The following CYTH1 variants were observed in gnomAD, a reference collection of about 807,000 sequenced individuals.
CYTH1 encodes the protein cytohesin-1.
A neutral mutation model predicts 61.8 loss-of-function variants in CYTH1; 18 were observed. The ratio of observed to expected loss-of-function variants is 0.29; its 90% confidence interval spans 0.20 to 0.43. The LOEUF is 0.43. Among genes scored for constraint, CYTH1 ranks in the 20% least tolerant of loss-of-function variants. The pLI, the probability that CYTH1 is intolerant of heterozygous loss-of-function variation, is 1.00. For synonymous variants in CYTH1, 174 were observed against 184.3 expected (o/e 0.94, Z 0.45); for missense variants, 336 against 510.5 (o/e 0.66, Z 3.29).
intron 1 of CYTH1, among the ~76,000 whole-genome samples, chr17:78,774,695 C>T (rs1359738457): frequency 6.6e-6 from 1 of 152,106 alleles, no homozygotes; most frequent in African/African-American, 2.4e-5. Context: ...AGTGCCCAGA[C>T]CTTATTTTTC....
intron 1 of CYTH1, among the ~76,000 whole-genome samples, chr17:78,715,796 G>C (rs1295972267): frequency 6.6e-6 from 1 of 152,170 alleles, no homozygotes; most frequent in Non-Finnish European, 1.5e-5. Context: ...TCCTGTCATG[G>C]TGCTGGTCGC....
At position 78,759,351 on chromosome 17, in the gene CYTH1, T is replaced by C. The variant is rs534527699; in HGVS notation, c.22+22851A>G. Among the ~76,000 whole-genome samples the C allele has an allele frequency of 5.3e-5, 8 of 152,302 alleles. No homozygotes were observed. The East Asian group carries it at 1.2e-3, about 22-fold the overall frequency. ...TCTACATCCCAGCGCCAAGCCTCTC[T>C]TTCATCCAACGGGGTAGGCAAAGGG... On this transcript the variant is annotated intron_variant, in intron 1 of 13. Transcript: ENST00000446868.
At position 78,675,769 on chromosome 17, in the gene CYTH1, A is replaced by T; in HGVS notation, c.*322T>A. ...TTCTTCACGGGGACAACCAAGAGGTAAACAGTTGGCTCTGAGCTCTGCTAC... is the reference window on the plus strand; with the variant it reads ...TTCTTCACGGGGACAACCAAGAGGTTAACAGTTGGCTCTGAGCTCTGCTAC... On this transcript the variant is annotated 3_prime_UTR_variant, in exon 14 of 14. Transcript: ENST00000446868. The T allele has an allele frequency of 1.0e-6, 1 of 981,512 alleles. No homozygotes were observed. Among genetic ancestry groups the T allele is most frequent in the Admixed American group, 3.4e-5 (1 of 29,144 alleles). The allele number at this position is 981,512 out of a possible 1,614,324, so 60.8% of individuals were successfully genotyped here.
intron 13 of CYTH1, among the ~76,000 whole-genome samples, chr17:78,679,200 C>T (rs2092732044): frequency 6.6e-6 from 1 of 152,238 alleles, no homozygotes. Context: ...AGAGGACTTA[C>T]AGGGACCTTC....
In CYTH1 at chr17:78,685,783, G is replaced by A. The variant is rs78018662; in HGVS notation, c.892-4741C>T. The stretch of plus-strand genomic sequence containing the variant: ...TCACATGTTTTCTTCAGGAGAGTGC[G>A]GCCAGCTGTGCTTTACTTAAACAAT... On this transcript the variant is annotated intron_variant, in intron 11 of 13. Coordinates refer to ENST00000446868, the MANE Select transcript of CYTH1 (RefSeq NM_004762.6). Among the ~76,000 whole-genome samples the A allele has an allele frequency of 6.1e-3, 923 of 152,104 alleles. 46 individuals carry two copies. The East Asian group carries it at 0.12, about 20-fold the overall frequency.
chr17:78,711,206 G>A (rs949903851), intron 1 of CYTH1, among the ~76,000 whole-genome samples: 1 of 151,458 alleles, frequency 6.6e-6, no homozygotes, highest in African/African-American at 2.4e-5. Flanking sequence ...AGGTTGCAGT[G>A]AGCCGAGATC....
In CYTH1 at chr17:78,717,611, G is replaced by A. The variant is rs2093192387; in HGVS notation, c.23-7879C>T. Among the ~76,000 whole-genome samples the A allele has an allele frequency of 2.0e-5, 3 of 152,122 alleles. No individual in the cohort carries two copies. The highest frequency in any genetic ancestry group is 2.0e-4 in the Admixed American group (3 of 15,284). ...TAAAGGGACAGAGCCCTCTTTCCAAGCCAGAGGACGATACATGAGCACACG... is the reference window on the plus strand; with the variant it reads ...TAAAGGGACAGAGCCCTCTTTCCAAACCAGAGGACGATACATGAGCACACG... On this transcript the variant is annotated intron_variant, in intron 1 of 13. Transcript: ENST00000446868. The surrounding 1 kb of genome is among the most constrained non-coding windows in gnomAD (Gnocchi z 4.4).
chr17:78,688,173 A>T (rs1429782113), intron 11 of CYTH1, among the ~76,000 whole-genome samples: 1 of 152,244 alleles, frequency 6.6e-6, no homozygotes, highest in Non-Finnish European at 1.5e-5. Context: ...GTGAAACCAG[A>T]AAGCTGTCCA....
chr17:78,715,700 C>A (rs746795435), intron 1 of CYTH1, among the ~76,000 whole-genome samples: 3 of 152,172 alleles, frequency 2.0e-5, no homozygotes, highest in Non-Finnish European at 4.4e-5. Context: ...ACATGCCCCC[C>A]GAGTGGTGTC....
chr17:78,689,587 C>T (rs2092855488), intron 11 of CYTH1, among the ~76,000 whole-genome samples: 1 of 152,192 alleles, frequency 6.6e-6, no homozygotes, highest in African/African-American at 2.4e-5. Flanking sequence ...CACTCACCTC[C>T]CGCTGTGTGG....
chr17:78,763,574 AT>A (rs2093437000), intron 1 of CYTH1, among the ~76,000 whole-genome samples: 1 of 152,176 alleles, frequency 6.6e-6, no homozygotes, highest in Non-Finnish European at 1.5e-5. Flanking sequence ...GCAGAGATTA[AT>A]AATAAACTAA....
chr17:78,699,085 G>A (rs1567840117), intron 7 of CYTH1, 117 bp from the exon 8 acceptor site: 14 of 1,306,626 alleles, frequency 1.1e-5, no homozygotes, highest in East Asian at 7.3e-5. Flanking sequence ...CCATGTTCTC[G>A]GCCAGATGCA....
At chr17:78,763,233 CTTGGG>C in intron 1 of CYTH1, among the ~76,000 whole-genome samples, 1 of 151,268 alleles carries the variant, frequency 6.6e-6, no homozygotes, top group African/African-American at 2.4e-5. Flanking sequence ...GTCCCAGCTA[CTTGGG>C]AGGCTGAGGC....
chr17:78,696,197 C>T (rs2092936612), intron 9 of CYTH1, among the ~76,000 whole-genome samples, 188 bp from the exon 10 acceptor site: 2 of 152,236 alleles, frequency 1.3e-5, no homozygotes, highest in South Asian at 4.1e-4. Flanking sequence ...GATCCCACTA[C>T]TGTCTGGCAC....
At chr17:78,713,661 T>C (rs1042367716) in intron 1 of CYTH1, among the ~76,000 whole-genome samples, 2 of 146,696 alleles carry the variant, frequency 1.4e-5, no homozygotes, top group African/African-American at 5.2e-5. Flanking sequence ...CTGGGTTTAA[T>C]ATTCACACAT....
intron 1 of CYTH1, among the ~76,000 whole-genome samples, chr17:78,741,986 G>A (rs942704750): frequency 1.3e-5 from 2 of 152,254 alleles, no homozygotes; most frequent in African/African-American, 4.8e-5. Flanking sequence ...GGTTGGAATG[G>A]AATTGAAGGA....
chr17:78,757,858 G>T (rs894363414), intron 1 of CYTH1, among the ~76,000 whole-genome samples: 2 of 151,656 alleles, frequency 1.3e-5, no homozygotes, highest in African/African-American at 4.9e-5. Context: ...GTTGCAGTGA[G>T]CCAAGATCGC....
intron 3 of CYTH1, among the ~76,000 whole-genome samples, chr17:78,706,860 T>C (rs180912807): frequency 1.3e-5 from 2 of 152,380 alleles, no homozygotes; most frequent in East Asian, 3.8e-4. Flanking sequence ...TGGCTTCTTT[T>C]GTAAAGTGTC....
chr17:78,716,003 G>A (rs2093177865), intron 1 of CYTH1, among the ~76,000 whole-genome samples: 2 of 152,160 alleles, frequency 1.3e-5, no homozygotes, highest in African/African-American at 4.8e-5. Flanking sequence ...GCATGGATAA[G>A]GATCATGAAC....
Sources: gnomAD v4.1 joint callset for allele counts (sites outside exome capture counted in the v4.1 genomes callset) on GRCh38, gnomAD v4.1.1 for gene constraint, Gnocchi (gnomAD v3.1) non-coding constraint, MANE v1.5 for transcripts, NCBI Gene and HGNC (gene_info 2026-07-23, HGNC 2026-07-21) for gene names.